The following ZNF131 variants were observed in gnomAD, a reference collection of about 807,000 sequenced individuals.
ZNF131 encodes zinc finger protein 131.
Under a neutral mutation model 60.0 loss-of-function variants are expected in ZNF131, and 7 were observed. The observed-to-expected ratio is 0.12, with a 90% CI of 0.07 to 0.22. The LOEUF (loss-of-function observed/expected upper bound fraction) is 0.22. ZNF131 is among the 10% of genes least tolerant of loss of function. The probability of loss-of-function intolerance (pLI) is 1.00; values close to 1 mark genes in which losing one functional copy is unlikely to be tolerated. For missense variants in ZNF131, 493 were observed against 740.9 expected (o/e 0.67, Z 3.88); for synonymous variants, 257 against 253.2 (o/e 1.01, Z -0.14).
intron 4 of ZNF131, chr5:43,143,313 G>A (rs181589269): frequency 6.5e-5 from 77 of 1,188,700 alleles, no homozygotes; most frequent in Admixed American, 1.0e-4. Context: ...GAGTCACTGC[G>A]CCCGGCCTCA....
intron 4 of ZNF131, among the ~76,000 whole-genome samples, chr5:43,154,060 A>G (rs1199675227): frequency 6.6e-6 from 1 of 152,214 alleles, no homozygotes; most frequent in Non-Finnish European, 1.5e-5. Flanking sequence ...TTCAAGAGCC[A>G]CAGTAGTGTG....
chr5:43,138,213 G>A lies in ZNF131; in HGVS notation c.227-952G>A, dbSNP rs888411653. Reference sequence around the variant, plus strand: ...TAGTGTACACTTAAAAATGTGTTAAGTGGGTAGATCTCATGTTCTTATTAC... The same window carrying A: ...TAGTGTACACTTAAAAATGTGTTAAATGGGTAGATCTCATGTTCTTATTAC... On this transcript the variant is annotated intron_variant, in intron 3 of 6. Coordinates refer to ENST00000682664, the MANE Select transcript of ZNF131 (RefSeq NM_001330707.2). Among the ~76,000 whole-genome samples, 8 of 152,192 alleles carry A rather than the reference G, an allele frequency of 5.3e-5. No individual in the cohort carries two copies. In the South Asian group the frequency reaches 1.5e-3, roughly 28 times the overall value.
At chr5:43,148,789 G>GT (rs1473084474) in intron 4 of ZNF131, among the ~76,000 whole-genome samples, 1 of 152,176 alleles carries the variant, frequency 6.6e-6, no homozygotes. Context: ...AAAGTACACA[G>GT]TTTGATGACT....
chr5:43,161,499 G>A lies in ZNF131; in HGVS notation c.622G>A (p.Asp208Asn). 6.2e-7 allele frequency: 1 copy of A among 1,614,262 alleles called. No homozygotes were observed. The highest frequency in any genetic ancestry group is 1.1e-5 in the South Asian group (1 of 91,090). Residue 208 changes from aspartate to asparagine, a missense_variant, in exon 5 of 7, where the codon GAT becomes AAT. Coordinates refer to ENST00000682664, the MANE Select transcript of ZNF131 (RefSeq NM_001330707.2). ...CATACAGAGCACAGGTTCCTCTGATGATTCTGCTCTAGCACTGTTGGCAGA... is the reference window on the plus strand; with the variant it reads ...CATACAGAGCACAGGTTCCTCTGATAATTCTGCTCTAGCACTGTTGGCAGA... ...KYIQSTGSSD[D>N]SALALLADIT...
intron 4 of ZNF131, among the ~76,000 whole-genome samples, chr5:43,146,434 A>G (rs968523748): frequency 9.9e-5 from 15 of 151,908 alleles, no homozygotes; most frequent in Non-Finnish European, 2.1e-4. Flanking sequence ...AAAATACAAA[A>G]CAAAATTAGC....
chr5:43,148,857 ACT>A (rs796878646), intron 4 of ZNF131, among the ~76,000 whole-genome samples: 4 of 151,990 alleles, frequency 2.6e-5, no homozygotes, highest in Non-Finnish European at 4.4e-5. Flanking sequence ...CACATCTATC[ACT>A]CTCTAGTTTC....
At chr5:43,159,179 ACCTG>A (rs1749327129) in intron 4 of ZNF131, among the ~76,000 whole-genome samples, 1 of 152,042 alleles carries the variant, frequency 6.6e-6, no homozygotes. Context: ...CTACAAACAA[ACCTG>A]CCTAACGTTT....
chr5:43,125,761 C>A (rs1002231282), intron 3 of ZNF131, among the ~76,000 whole-genome samples: 2 of 150,988 alleles, frequency 1.3e-5, no homozygotes, highest in African/African-American at 4.9e-5. Flanking sequence ...GCCTGGGCAA[C>A]AAGAGTGAAA....
chr5:43,166,429 C>T (rs1181371192), intron 5 of ZNF131, among the ~76,000 whole-genome samples: 6 of 151,386 alleles, frequency 4.0e-5, no homozygotes, highest in African/African-American at 1.5e-4. Flanking sequence ...CATGCGATCT[C>T]GGCTCACTGC....
intron 4 of ZNF131, among the ~76,000 whole-genome samples, chr5:43,146,788 C>T (rs1398640102): frequency 6.6e-6 from 1 of 151,952 alleles, no homozygotes; most frequent in Admixed American, 6.6e-5. Context: ...CGCCTATAGT[C>T]CCAGCTACTT....
intron 3 of ZNF131, among the ~76,000 whole-genome samples, chr5:43,130,961 T>G (rs1745269205): frequency 6.6e-6 from 1 of 152,082 alleles, no homozygotes; most frequent in African/African-American, 2.4e-5. Flanking sequence ...TCTCCCGGGT[T>G]CAGGTGATTC....
chr5:43,161,385 G>A lies in ZNF131; in HGVS notation c.508G>A (p.Val170Ile), dbSNP rs1749677568. The change falls in exon 5 of 7, where the codon GTA becomes ATA. Residue 170 changes from valine (V) to isoleucine (I), a missense_variant. By Grantham distance (29) the Val-to-Ile change is conservative. Around this residue, in one of 7 missense-constraint regions of ZNF131, gnomAD observed 138 missense variants for 158.7 expected, o/e 0.87. Transcript: ENST00000682664. ...SAESEPVEIE[V>I]EIAEGTIEVE... ...AGAATCAGAACCTGTTGAAATTGAG[G>A]TAGAGATTGCCGAAGGCACCATTGA... 6.2e-7 allele frequency: 1 copy of A among 1,614,274 alleles called. No individual in the cohort carries two copies. Among genetic ancestry groups the A allele is most frequent in the Non-Finnish European group, 8.5e-7 (1 of 1,180,052 alleles).
intron 3 of ZNF131, among the ~76,000 whole-genome samples, chr5:43,132,190 G>T (rs1053491266): frequency 6.6e-6 from 1 of 152,122 alleles, no homozygotes; most frequent in Non-Finnish European, 1.5e-5. Flanking sequence ...ACTTCTGAAA[G>T]ACAGCAAAAG....
At chr5:43,135,877 G>A (rs913865476) in intron 3 of ZNF131, among the ~76,000 whole-genome samples, 1 of 152,166 alleles carries the variant, frequency 6.6e-6, no homozygotes, top group African/African-American at 2.4e-5. Context: ...CAGCACTTTG[G>A]GAGGCCGAGG....
chr5:43,139,054 T>C (rs1746481856), intron 3 of ZNF131, 111 bp from the exon 4 acceptor site: 2 of 977,752 alleles, frequency 2.0e-6, no homozygotes, highest in Non-Finnish European at 1.4e-6. Flanking sequence ...AAAATAGTTT[T>C]CAAAAATAAA....
intron 4 of ZNF131, among the ~76,000 whole-genome samples, chr5:43,154,827 A>G (rs776441899): frequency 2.0e-5 from 3 of 152,048 alleles, no homozygotes; most frequent in African/African-American, 4.8e-5. Flanking sequence ...AACAGCTGCT[A>G]TTTTTTCCAC....
chr5:43,160,237 T>G (rs932050811), intron 4 of ZNF131, among the ~76,000 whole-genome samples: 1 of 150,778 alleles, frequency 6.6e-6, no homozygotes, highest in Non-Finnish European at 1.5e-5. Flanking sequence ...GCACAGTAGC[T>G]CATGTCTGTA....
At chr5:43,167,206 A>G (rs993672335) in intron 5 of ZNF131, among the ~76,000 whole-genome samples, 1 of 152,236 alleles carries the variant, frequency 6.6e-6, no homozygotes, top group African/African-American at 2.4e-5. Context: ...ATCACAGATC[A>G]TTATAAGACA....
In ZNF131 at chr5:43,147,673, G is replaced by A. The variant is rs187009216; in HGVS notation, c.371+8364G>A. ...CCTGACCTCGTGATCCACCTGCCTCGGCCTCCCAAAGTGCTGGGATTACAG... is the reference window on the plus strand; with the variant it reads ...CCTGACCTCGTGATCCACCTGCCTCAGCCTCCCAAAGTGCTGGGATTACAG... On this transcript the variant is annotated intron_variant, in intron 4 of 6. Coordinates refer to ENST00000682664, the MANE Select transcript of ZNF131 (RefSeq NM_001330707.2). Among the ~76,000 whole-genome samples, 701 of 150,236 alleles carry A rather than the reference G, an allele frequency of 4.7e-3. 4 individuals are homozygous for A. The highest frequency in any genetic ancestry group is 0.016 in the African/African-American group (677 of 41,036).
Sources: gnomAD v4.1 joint callset for allele counts (sites outside exome capture counted in the v4.1 genomes callset) on GRCh38, gnomAD v4.1.1 for gene constraint, gnomAD v4.1.1 regional missense constraint, MANE v1.5 for transcripts, NCBI Gene and HGNC (gene_info 2026-07-23, HGNC 2026-07-21) for gene names.